RAPGEF4: variants seen among roughly 807,000 people sequenced by gnomAD.
RAPGEF4 encodes Rap guanine nucleotide exchange factor 4, also known as RAP guanine-nucleotide-exchange factor (GEF) 4.
RAPGEF4 carries 66 observed loss-of-function variants against 147.9 expected under a neutral mutation model. The observed-to-expected ratio is 0.45, with a 90% CI of 0.37 to 0.55. The LOEUF (loss-of-function observed/expected upper bound fraction) is 0.55. RAPGEF4 is among the 20% of genes least tolerant of loss of function. The pLI, the probability that RAPGEF4 is intolerant of heterozygous loss-of-function variation, is 0.00. For missense variants in RAPGEF4, 1,071 were observed against 1,257.3 expected (o/e 0.85, Z 2.24); for synonymous variants, 419 against 442.7 (o/e 0.95, Z 0.67).
At chr2:172,777,025 A>C (rs1366631843) in intron 1 of RAPGEF4, among the ~76,000 whole-genome samples, 1 of 152,114 alleles carries the variant, frequency 6.6e-6, no homozygotes. Flanking sequence ...ATGCTATGCT[A>C]TTGAGAGTCT....
intron 4 of RAPGEF4, among the ~76,000 whole-genome samples, chr2:172,913,362 G>A (rs1389894490): frequency 6.6e-6 from 1 of 152,216 alleles, no homozygotes; most frequent in Non-Finnish European, 1.5e-5. Context: ...AAACTTAACA[G>A]CATTTGCCAA....
At chr2:172,833,417 G>C (rs1346041339) in intron 4 of RAPGEF4, among the ~76,000 whole-genome samples, 3 of 152,166 alleles carry the variant, frequency 2.0e-5, no homozygotes, top group Admixed American at 2.0e-4. Context: ...ACTCTAGAAA[G>C]TCTGAAGCAA....
intron 24 of RAPGEF4, 111 bp downstream of exon 24, chr2:173,026,808 CA>C (rs1359014814): frequency 7.3e-7 from 1 of 1,375,724 alleles, no homozygotes; most frequent in Non-Finnish European, 9.9e-7. Context: ...ACCACATGAC[CA>C]TTTTTTTGCA....
chr2:173,030,126 G>C, intron 25 of RAPGEF4, 38 bp from the exon 26 acceptor site: 2 of 1,406,704 alleles, frequency 1.4e-6, no homozygotes, highest in Non-Finnish European at 2.0e-6. Context: ...TCACACAGAA[G>C]TAACATTTTA....
At chr2:173,040,154 C>T (rs1684576794) in intron 29 of RAPGEF4, among the ~76,000 whole-genome samples, 1 of 150,832 alleles carries the variant, frequency 6.6e-6, no homozygotes, top group South Asian at 2.1e-4. Flanking sequence ...CACCACTGCA[C>T]TCCAGCCTGG....
At chr2:172,942,461 T>G (rs1026953796) in intron 6 of RAPGEF4, among the ~76,000 whole-genome samples, 1 of 151,664 alleles carries the variant, frequency 6.6e-6, no homozygotes, top group Non-Finnish European at 1.5e-5. Context: ...TGAGCCTTTA[T>G]TGTTTCAACA....
intron 4 of RAPGEF4, among the ~76,000 whole-genome samples, chr2:172,891,606 A>C (rs767805419): frequency 6.6e-6 from 1 of 152,152 alleles, no homozygotes; most frequent in Non-Finnish European, 1.5e-5. Flanking sequence ...GCGTGGTGGG[A>C]TCAGAGGCAG....
intron 1 of RAPGEF4, among the ~76,000 whole-genome samples, chr2:172,748,730 A>T (rs1364948333): frequency 1.3e-5 from 2 of 152,194 alleles, no homozygotes; most frequent in African/African-American, 2.4e-5. Context: ...AACTCATTTC[A>T]GCATTAACTG....
intron 4 of RAPGEF4, among the ~76,000 whole-genome samples, chr2:172,870,766 A>T (rs994762272): frequency 3.9e-5 from 6 of 152,152 alleles, no homozygotes; most frequent in African/African-American, 1.4e-4. Context: ...ATGACTTTAT[A>T]ATTTTTTCCT....
At chr2:172,960,057 C>T (rs1689128765) in intron 6 of RAPGEF4, among the ~76,000 whole-genome samples, 1 of 152,036 alleles carries the variant, frequency 6.6e-6, no homozygotes, top group Admixed American at 6.5e-5. Context: ...CACACCACTG[C>T]ACTCCAGCCT....
intron 17 of RAPGEF4, among the ~76,000 whole-genome samples, chr2:173,010,767 A>G (rs894811671): frequency 2.0e-5 from 3 of 152,228 alleles, no homozygotes; most frequent in Admixed American, 1.3e-4. Flanking sequence ...GGTATAATCA[A>G]TTGTATACAA....
intron 4 of RAPGEF4, among the ~76,000 whole-genome samples, chr2:172,861,284 G>C (rs1476310935): frequency 6.6e-6 from 1 of 152,244 alleles, no homozygotes; most frequent in Non-Finnish European, 1.5e-5. Context: ...CTACTTAAGT[G>C]TGAGCATACA....
intron 16 of RAPGEF4, among the ~76,000 whole-genome samples, chr2:172,999,608 T>A (rs1282932159): frequency 2.0e-5 from 3 of 152,236 alleles, no homozygotes; most frequent in Non-Finnish European, 4.4e-5. Flanking sequence ...GTAAATCATC[T>A]TCTAGTAGGA....
chr2:172,977,504 T>C (rs1691198701), intron 10 of RAPGEF4, among the ~76,000 whole-genome samples: 1 of 151,952 alleles, frequency 6.6e-6, no homozygotes, highest in African/African-American at 2.4e-5. Context: ...TCTGAGACAC[T>C]AGATGGCACA....
At chr2:173,051,587 T>A in intron 30 of RAPGEF4, 53 bp from the exon 31 acceptor site, 1 of 1,551,592 alleles carries the variant, frequency 6.4e-7, no homozygotes, top group Non-Finnish European at 8.8e-7. Flanking sequence ...TAAGATTGTA[T>A]CTTATATACA....
intron 6 of RAPGEF4, 102 bp from the exon 7 acceptor site, chr2:172,960,658 A>G (rs1689190887): frequency 2.5e-6 from 2 of 791,318 alleles, no homozygotes; most frequent in Non-Finnish European, 3.8e-6. Context: ...TTATATTTTG[A>G]GTTTTATAAA....
At chr2:172,750,511 G>T (rs758223651) in intron 1 of RAPGEF4, among the ~76,000 whole-genome samples, 1 of 152,042 alleles carries the variant, frequency 6.6e-6, no homozygotes, top group Non-Finnish European at 1.5e-5. Flanking sequence ...CTCCTGCCAG[G>T]TCCCGTCCCG....
At chr2:172,969,806 T>C (rs1338175119) in intron 10 of RAPGEF4, among the ~76,000 whole-genome samples, 1 of 152,228 alleles carries the variant, frequency 6.6e-6, no homozygotes, top group Non-Finnish European at 1.5e-5. Context: ...ATGAGTCACC[T>C]TGGGAGAAAT....
intron 4 of RAPGEF4, among the ~76,000 whole-genome samples, chr2:172,852,365 T>C (rs1257657676): frequency 2.0e-5 from 3 of 152,190 alleles, no homozygotes; most frequent in Non-Finnish European, 4.4e-5. Flanking sequence ...GTCAATAAGT[T>C]GATCCGAAAC....
Sources: gnomAD v4.1 joint callset for allele counts (sites outside exome capture counted in the v4.1 genomes callset) on GRCh38, gnomAD v4.1.1 for gene constraint, MANE v1.5 for transcripts, NCBI Gene and HGNC (gene_info 2026-07-23, HGNC 2026-07-21) for gene names.